Variants in CCNL2 observed in about 807,000 individuals in gnomAD.
CCNL2 encodes the protein cyclin-L2.
A neutral mutation model predicts 59.1 loss-of-function variants in CCNL2; 28 were observed. The observed-to-expected ratio is 0.47, with a 90% CI of 0.35 to 0.65. CCNL2 has a LOEUF of 0.65. CCNL2 is among the 30% of genes least tolerant of loss of function. The pLI, the probability that CCNL2 is intolerant of heterozygous loss-of-function variation, is 0.00. For synonymous variants in CCNL2, 342 were observed against 288.6 expected (o/e 1.19, Z -1.88); for missense variants, 714 against 717.4 (o/e 1.00, Z 0.05).
intron 2 of CCNL2, 120 bp downstream of exon 2, chr1:1,398,477 C>T (rs1190298420): frequency 3.2e-6 from 5 of 1,577,228 alleles, no homozygotes; most frequent in Admixed American, 3.7e-5. Context: ...AAACAGAACC[C>T]TCCGGCACAG....
intron 4 of CCNL2, among the ~76,000 whole-genome samples, chr1:1,394,593 T>C (rs1644914135): frequency 6.6e-6 from 1 of 150,910 alleles, no homozygotes; most frequent in Non-Finnish European, 1.5e-5. Flanking sequence ...CTACTAAAGA[T>C]ACAAAAATTA....
In CCNL2 at chr1:1,390,508, T is replaced by G. The variant is rs1644707489; in HGVS notation, c.815A>C (p.Glu272Ala). 6.2e-7 allele frequency: 1 copy of G among 1,613,716 alleles called. No homozygotes were observed. Among genetic ancestry groups the G allele is most frequent in the Admixed American group, 1.7e-5 (1 of 59,940 alleles). ...WFLLFGATEE[E>A]IQEICLKILQ... is the part of the protein sequence containing the mutation. ...GATCTTTAAGCAGATTTCCTGAATT[T>G]CTTCTTCAGTTGCTCCAAACAAAAG... The change falls in exon 7 of 11, where the codon GAA (glutamate) becomes GCA (alanine). Residue 272 changes from glutamate to alanine, a missense_variant. Coordinates refer to ENST00000400809, the MANE Select transcript of CCNL2 (RefSeq NM_030937.6).
In CCNL2 at chr1:1,398,448, G is replaced by A. The variant is rs567950212; in HGVS notation, c.364-106C>T. ...TCAGACCAAAAGGGAGGTGCACCCA[G>A]GGGAAAAAAAAAGTCAAGAAACAGA... On this transcript the variant is annotated intron_variant, in intron 2 of 10. Transcript: ENST00000400809. The A allele has an allele frequency of 6.8e-5, 107 of 1,572,344 alleles. No homozygotes were observed. In the African/African-American group the frequency reaches 1.3e-3, roughly 19 times the overall value.
chr1:1,388,505 G>A (rs921913637), intron 8 of CCNL2: 28 of 454,296 alleles, frequency 6.2e-5, no homozygotes, highest in Non-Finnish European at 1.1e-4. Context: ...GCAACACAGC[G>A]AGACTCTGTC....
At chr1:1,398,061 C>CCT (rs1463771898) in intron 3 of CCNL2, among the ~76,000 whole-genome samples, 172 bp downstream of exon 3, 4 of 152,242 alleles carry the variant, frequency 2.6e-5, no homozygotes. Flanking sequence ...TAAACCGCAT[C>CCT]TACTGATGCC....
Position 1,399,329 on chromosome 1 carries a change from G to T in CCNL2, c.-23C>A. 7.0e-7 allele frequency: 1 copy of T among 1,431,656 alleles called. No homozygotes were observed. The highest frequency in any genetic ancestry group is 9.1e-7 in the Non-Finnish European group (1 of 1,102,398). The allele number at this position is 1,431,656 out of a possible 1,614,324, so 88.7% of individuals were successfully genotyped here. ...CATTTTGTGCCGCCGACTCCCCTTC[G>T]GCTTCTTCCCTCAGGGCGGCTCCTC... On this transcript the variant is annotated 5_prime_UTR_variant, in exon 1 of 11. Coordinates refer to ENST00000400809, the MANE Select transcript of CCNL2 (RefSeq NM_030937.6).
Position 1,387,355 on chromosome 1 carries a change from G to A in CCNL2, c.1439C>T (p.Pro480Leu), listed in dbSNP as rs146506266. ...RSRSRERADN[P>L]GKYKKKSHYY... ...ATGACTTTTCTTCTTGTATTTTCCCGGATTATCCGCCCGCTCCCGTGACCT... is the reference window on the plus strand; with the variant it reads ...ATGACTTTTCTTCTTGTATTTTCCCAGATTATCCGCCCGCTCCCGTGACCT... Residue 480 changes from proline (P) to leucine (L), a missense_variant, in exon 11 of 11, where the codon CCG becomes CTG. This residue lies in a region of CCNL2 where 403 missense variants were observed against 377.7 expected (regional missense o/e 1.07). Coordinates refer to ENST00000400809, the MANE Select transcript of CCNL2 (RefSeq NM_030937.6). 568 of 1,614,138 alleles carry A rather than the reference G, an allele frequency of 3.5e-4. No homozygotes were observed. In the East Asian group the frequency reaches 9.4e-3, roughly 27 times the overall value.
intron 4 of CCNL2, among the ~76,000 whole-genome samples, chr1:1,395,005 CTGCCACTGCCACCA>C (rs1332819609): frequency 6.6e-6 from 1 of 151,126 alleles, no homozygotes. Flanking sequence ...TGTGCCTCCA[CTGCCACTGCCACCA>C]TGCCACTGCA....
chr1:1,391,494 G>A (rs1490684749), intron 5 of CCNL2: 11 of 1,293,768 alleles, frequency 8.5e-6, no homozygotes, highest in African/African-American at 1.5e-5. Flanking sequence ...AGCATCGTGC[G>A]GAGGGAGACT....
Position 1,387,337 on chromosome 1 carries a change from T to C in CCNL2, c.1457A>G (p.Lys486Arg). ...TCGCTGATCTCTGTAGTAATGACTT[T>C]TCTTCTTGTATTTTCCCGGATTATC... The part of the protein sequence containing the change: ...RADNPGKYKK[K>R]SHYYRDQRRE... Residue 486 changes from lysine (K) to arginine (R), a missense_variant, in exon 11 of 11, where the codon AAA becomes AGA. This residue lies in a region of CCNL2 where 403 missense variants were observed against 377.7 expected (regional missense o/e 1.07). Coordinates refer to ENST00000400809, the MANE Select transcript of CCNL2 (RefSeq NM_030937.6). The C allele has an allele frequency of 6.2e-7, 1 of 1,614,160 alleles. No homozygotes were observed. Among genetic ancestry groups the C allele is most frequent in the African/African-American group, 1.3e-5 (1 of 75,070 alleles).
intron 10 of CCNL2, 95 bp downstream of exon 10, chr1:1,387,682 A>G: frequency 7.0e-7 from 1 of 1,427,606 alleles, no homozygotes; most frequent in East Asian, 2.5e-5. Flanking sequence ...CTCCAGGTTT[A>G]GAGAAACAAG....
rs1472771626 is a variant in CCNL2, at chr1:1,389,857, G to A, written c.1006+373C>T. ...ACCTGCAGTCCCAGCTACTCAGGAG[G>A]CTGAGGCAGGAGAATGGTGTGAACT... On this transcript the variant is annotated intron_variant, in intron 8 of 10. Coordinates refer to ENST00000400809, the MANE Select transcript of CCNL2 (RefSeq NM_030937.6). 2.6e-5 allele frequency among the ~76,000 whole-genome samples: 4 copies of A among 152,126 alleles called. No homozygotes were observed. In the East Asian group the frequency reaches 7.7e-4, roughly 29 times the overall value.
chr1:1,393,664 C>T (rs921493870), intron 4 of CCNL2, among the ~76,000 whole-genome samples: 1 of 152,216 alleles, frequency 6.6e-6, no homozygotes, highest in African/African-American at 2.4e-5. Context: ...GACGCATGCC[C>T]GTGAGCCCAG....
chr1:1,387,507 C>T lies in CCNL2; in HGVS notation c.1287G>A (p.Pro429=), dbSNP rs368716428. 1.8e-5 allele frequency: 28 copies of T among 1,578,678 alleles called. No homozygotes were observed. Among genetic ancestry groups the T allele is most frequent in the Admixed American group, 1.1e-4 (6 of 54,358 alleles). The change falls in exon 11 of 11, where the codon CCG becomes CCA. Residue 429 remains proline, a synonymous_variant. Transcript: ENST00000400809. ...AGGGAGCGCTGCGGGGGGCCTGTCT[C>T]GGTGGGGAGTCACTCCTGCTCCGGG... ...SRSRSRSDSP[P]RQAPRSAPYK...
rs1557703144 is a variant in CCNL2, at chr1:1,386,633, AT to A, written c.*597del. On this transcript the variant is annotated 3_prime_UTR_variant, in exon 11 of 11. Coordinates refer to ENST00000400809, the MANE Select transcript of CCNL2 (RefSeq NM_030937.6). ...TCAACACAGATCCAAATACCCTCAC[AT>A]TTTAAAAGTCAGGATTCCCTACACA... is the stretch of plus-strand genomic sequence containing the variant. 1.3e-5 allele frequency: 2 copies of A among 152,506 alleles called. No homozygotes were observed. Among genetic ancestry groups the A allele is most frequent in the Non-Finnish European group, 2.9e-5 (2 of 68,044 alleles). The allele number at this position is 152,506 out of a possible 1,614,324, so 9.4% of individuals were successfully genotyped here.
intron 3 of CCNL2, 58 bp downstream of exon 3, chr1:1,398,175 A>C (rs955299705): frequency 3.2e-5 from 48 of 1,512,934 alleles, no homozygotes; most frequent in Non-Finnish European, 4.3e-5. Flanking sequence ...ACTGTAACTT[A>C]ATCAGAAATA....
intron 6 of CCNL2, 60 bp from the exon 7 acceptor site, chr1:1,390,623 A>G (rs1644714130): frequency 6.6e-7 from 1 of 1,515,680 alleles, no homozygotes; most frequent in Non-Finnish European, 9.1e-7. Context: ...AGCAAGACTC[A>G]GGACAATTAA....
At chr1:1,398,947 G>C (rs961196623) in intron 1 of CCNL2, 72 bp downstream of exon 1, 1 of 1,483,306 alleles carries the variant, frequency 6.7e-7, no homozygotes. Context: ...GTGCGGGCCC[G>C]ACTCGCCGCC....
In CCNL2 at chr1:1,390,969, G is replaced by A. The variant is rs556131378; in HGVS notation, c.660-104C>T. 2.0e-4 allele frequency: 204 copies of A among 1,012,814 alleles called. 1 individual carries two copies. The highest frequency in any genetic ancestry group is 8.6e-4 in the South Asian group (62 of 72,386). 62.7% of individuals were successfully genotyped at this position (1,012,814 alleles called of 1,614,324 possible). A position where few individuals can be genotyped will look rare whatever the true frequency, so the allele number is the denominator to read the frequency against. ...CTAGATAAACGTACTACTCCTCTAAGGAGTCTATTGCTAGGACTCAGAGCT... is the reference window on the plus strand; with the variant it reads ...CTAGATAAACGTACTACTCCTCTAAAGAGTCTATTGCTAGGACTCAGAGCT... On this transcript the variant is annotated intron_variant, in intron 5 of 10. Transcript: ENST00000400809.
Sources: allele counts gnomAD v4.1 joint callset (sites outside exome capture counted in the v4.1 genomes callset), GRCh38; gene constraint gnomAD v4.1.1; regional missense constraint gnomAD v4.1.1; transcripts MANE v1.5; gene names NCBI Gene and HGNC (gene_info 2026-07-23, HGNC 2026-07-21).